CDH4: variants seen among roughly 807,000 people sequenced by gnomAD.
The protein encoded by CDH4 is cadherin 4, also known as cadherin-4.
Under a neutral mutation model 86.0 loss-of-function variants are expected in CDH4, and 33 were observed. The ratio of observed to expected loss-of-function variants is 0.38; its 90% CI spans 0.29 to 0.51. The LOEUF (loss-of-function observed/expected upper bound fraction) is 0.51. Ranked by LOEUF, CDH4 falls within the 20% of genes least tolerant of loss-of-function variation. The pLI is 0.86. For missense variants in CDH4, 1,114 were observed against 1,307.4 expected (o/e 0.85, Z 2.28); for synonymous variants, 555 against 549.4 (o/e 1.01, Z -0.14).
At chr20:61,595,576 G>A (rs1007456795) in intron 2 of CDH4, among the ~76,000 whole-genome samples, 7 of 152,202 alleles carry the variant, frequency 4.6e-5, no homozygotes, top group Non-Finnish European at 8.8e-5. Context: ...AGGAGTTAAC[G>A]TTTTCTGTTA....
intron 2 of CDH4, among the ~76,000 whole-genome samples, chr20:61,595,416 GCCTGTGTTGACTGCGGGAT>G (rs1193322751): frequency 3.3e-5 from 5 of 152,230 alleles, no homozygotes; most frequent in African/African-American, 1.2e-4. Context: ...CTAATGAGCT[GCCTGTGTTGACTGCGGGAT>G]CCTTCCCCAC....
chr20:61,705,658 G>A (rs1385864842), intron 2 of CDH4, among the ~76,000 whole-genome samples: 1 of 151,910 alleles, frequency 6.6e-6, no homozygotes, highest in South Asian at 2.1e-4. Flanking sequence ...AGAAAAGGGG[G>A]ACTCATTGCA....
intron 2 of CDH4, among the ~76,000 whole-genome samples, chr20:61,621,645 T>G (rs1180118111): frequency 6.6e-6 from 1 of 152,216 alleles, no homozygotes; most frequent in Non-Finnish European, 1.5e-5. Flanking sequence ...AGGGAAATAT[T>G]ATTCCAGAGC....
intron 2 of CDH4, among the ~76,000 whole-genome samples, chr20:61,367,599 A>G (rs987258126): frequency 2.6e-5 from 4 of 152,134 alleles, no homozygotes; most frequent in African/African-American, 9.7e-5. Flanking sequence ...TGACAGTTAT[A>G]GATCATAACC....
chr20:61,565,906 C>T (rs139350824), intron 2 of CDH4, among the ~76,000 whole-genome samples: 1 of 152,140 alleles, frequency 6.6e-6, no homozygotes, highest in Non-Finnish European at 1.5e-5. Context: ...TCTGCATCCA[C>T]CCCCTCTGTC....
intron 2 of CDH4, among the ~76,000 whole-genome samples, chr20:61,692,665 AG>A (rs2087672632): frequency 6.6e-6 from 1 of 152,198 alleles, no homozygotes; most frequent in Admixed American, 6.5e-5. Flanking sequence ...GTGATGGGGC[AG>A]GGGCAAGTTT....
intron 2 of CDH4, among the ~76,000 whole-genome samples, chr20:61,298,388 A>G (rs930875172): frequency 6.8e-6 from 1 of 146,012 alleles, no homozygotes; most frequent in Non-Finnish European, 1.5e-5. Flanking sequence ...CTGAGGACCC[A>G]CCACTCAGCA....
intron 2 of CDH4, among the ~76,000 whole-genome samples, chr20:61,432,696 G>C (rs1203341031): frequency 6.6e-6 from 1 of 152,076 alleles, no homozygotes; most frequent in East Asian, 1.9e-4. Context: ...ATAGAAACCA[G>C]CATATCAAGT....
At chr20:61,630,982 G>T (rs1051912057) in intron 2 of CDH4, among the ~76,000 whole-genome samples, 1 of 152,228 alleles carries the variant, frequency 6.6e-6, no homozygotes, top group Admixed American at 6.5e-5. Flanking sequence ...TAGGAGGTGG[G>T]CGTGCCCCAG....
intron 2 of CDH4, among the ~76,000 whole-genome samples, chr20:61,688,059 C>G (rs2087607935): frequency 6.6e-6 from 1 of 152,054 alleles, no homozygotes; most frequent in Non-Finnish European, 1.5e-5. Flanking sequence ...AGGAAGCTGG[C>G]CCAGTGGGGT....
intron 3 of CDH4, among the ~76,000 whole-genome samples, chr20:61,749,061 A>T (rs114838718): frequency 3.3e-5 from 5 of 152,214 alleles, no homozygotes; most frequent in African/African-American, 1.2e-4. Flanking sequence ...TGCAAGTACC[A>T]ATCAAAAGGA....
intron 2 of CDH4, among the ~76,000 whole-genome samples, chr20:61,615,034 C>T (rs1355479981): frequency 6.6e-6 from 1 of 152,154 alleles, no homozygotes; most frequent in African/African-American, 2.4e-5. Context: ...GAAGAGGCCT[C>T]TGCTGGGAGG....
intron 2 of CDH4, among the ~76,000 whole-genome samples, chr20:61,602,881 C>T (rs554874901): frequency 4.6e-5 from 7 of 152,296 alleles, no homozygotes; most frequent in African/African-American, 9.6e-5. Flanking sequence ...GTTACGGTTT[C>T]GCTTCTCAGT....
At chr20:61,766,643 A>C (rs528989903) in intron 3 of CDH4, among the ~76,000 whole-genome samples, 2 of 152,210 alleles carry the variant, frequency 1.3e-5, no homozygotes, top group East Asian at 3.9e-4. Context: ...GTGGAGAGAA[A>C]AGCCATGCTC....
At chr20:61,457,326 G>T (rs1042415501) in intron 2 of CDH4, among the ~76,000 whole-genome samples, 6 of 152,156 alleles carry the variant, frequency 3.9e-5, no homozygotes, top group African/African-American at 1.4e-4. Context: ...GTGGCTTGTT[G>T]GATCCTCCTT....
chr20:61,332,113 C>T (rs1406650829), intron 2 of CDH4, among the ~76,000 whole-genome samples: 1 of 152,202 alleles, frequency 6.6e-6, no homozygotes, highest in African/African-American at 2.4e-5. Flanking sequence ...CGATGCCCGG[C>T]TTCCCAGAGA....
At chr20:61,443,693 C>T (rs1278147843) in intron 2 of CDH4, among the ~76,000 whole-genome samples, 2 of 152,140 alleles carry the variant, frequency 1.3e-5, no homozygotes, top group Non-Finnish European at 2.9e-5. Context: ...AAAATGAGCG[C>T]ATCCGAAGGC....
intron 2 of CDH4, among the ~76,000 whole-genome samples, chr20:61,515,404 C>A (rs926126054): frequency 2.6e-5 from 4 of 152,238 alleles, no homozygotes; most frequent in Non-Finnish European, 4.4e-5. Flanking sequence ...CCAGTGAGGA[C>A]CCTCCTGGGC....
intron 2 of CDH4, among the ~76,000 whole-genome samples, chr20:61,632,839 C>CCCACCCTT (rs1268467438): frequency 4.8e-4 from 22 of 46,252 alleles, no homozygotes; most frequent in Admixed American, 1.4e-3. Context: ...TCCTCCTCTC[C>CCCACCCTT]CCACCCTCCC....
Sources: gnomAD v4.1 joint callset for allele counts (sites outside exome capture counted in the v4.1 genomes callset) on GRCh38, gnomAD v4.1.1 for gene constraint, MANE v1.5 for transcripts, NCBI Gene and HGNC (gene_info 2026-07-23, HGNC 2026-07-21) for gene names.